Variants in TPP1 observed in about 807,000 individuals in gnomAD.
TPP1 encodes the protein tripeptidyl peptidase 1.
TPP1 carries 43 observed loss-of-function variants against 67.6 expected under a neutral mutation model. That is an observed-to-expected ratio of 0.64 (90% CI 0.50 to 0.82). TPP1 has a LOEUF of 0.82. TPP1 is among the 40% of genes least tolerant of loss of function. TPP1 has a pLI of 0.00. For synonymous variants in TPP1, 272 were observed against 281.5 expected, an observed-to-expected ratio of 0.97 and a Z score of 0.34; for missense variants, 671 against 710.9, an observed-to-expected ratio of 0.94 and a Z score of 0.64.
intron 10 of TPP1, 21 bp downstream of exon 10, chr11:6,615,421 C>T: frequency 6.2e-7 from 1 of 1,614,194 alleles, no homozygotes; most frequent in Non-Finnish European, 8.5e-7. Flanking sequence ...ACCCTGCATC[C>T]ATCCACACAA....
intron 5 of TPP1, 55 bp from the exon 6 acceptor site, chr11:6,617,208 C>G (rs764863774): frequency 6.2e-7 from 1 of 1,613,858 alleles, no homozygotes; most frequent in Non-Finnish European, 8.5e-7. Context: ...GCCCACCTTA[C>G]AACTCACCCC....
In TPP1 at chr11:6,618,872, C is replaced by T. The variant is rs772163356; in HGVS notation, c.133G>A (p.Glu45Lys). Reference sequence around the variant, plus strand: ...AGGGCAAAGGTGAGACTCAGCTCTTCCTCAGGGTCCGCACGGCCCAGGGAC... The same window carrying T: ...AGGGCAAAGGTGAGACTCAGCTCTTTCTCAGGGTCCGCACGGCCCAGGGAC... ...WVSLGRADPE[E>K]ELSLTFALRQ... The change falls in exon 3 of 13, where the codon GAA becomes AAA. Residue 45 changes from glutamate to lysine, a missense_variant. Transcript: ENST00000299427. 5 of 1,613,976 alleles carry T rather than the reference C, an allele frequency of 3.1e-6. No homozygotes were observed. In the South Asian group the frequency reaches 4.4e-5, roughly 14 times the overall value.
rs1271784840 is a variant in TPP1 at position 6,619,205 on chromosome 11, T to C, written c.80A>G (p.Gln27Arg). ...TGCTAAGTCAACTCACGTCCTCCGC[T>C]GGTCGGGCTCCGGGCTGTAACTGCA... ...GKCSYSPEPD[Q>R]RRTLPPGWVS... The change falls in exon 2 of 13, where the codon CAG becomes CGG. Residue 27 changes from glutamine to arginine, a missense_variant. Transcript: ENST00000299427. 6.2e-7 allele frequency: 1 copy of C among 1,614,016 alleles called. No homozygotes were observed. Among genetic ancestry groups the C allele is most frequent in the African/African-American group, 1.3e-5 (1 of 74,906 alleles).
chr11:6,614,278 G>T lies in TPP1; in HGVS notation c.*268C>A. ...GGAAAAGCCTGATTGAAAAGAGAAA[G>T]ATGAGATGCGGAGGGAGAGGCATTC... On this transcript the variant is annotated 3_prime_UTR_variant, in exon 13 of 13. Coordinates refer to ENST00000299427, the MANE Select transcript of TPP1 (RefSeq NM_000391.4). The T allele has an allele frequency of 1.9e-6, 1 of 533,286 alleles. No homozygotes were observed. Among genetic ancestry groups the T allele is most frequent in the Non-Finnish European group, 3.4e-6 (1 of 294,192 alleles). The allele number at this position is 533,286 out of a possible 1,614,324, so 33.0% of individuals were successfully genotyped here.
chr11:6,616,415 A>G lies in TPP1; in HGVS notation c.975T>C (p.Tyr325=), dbSNP rs2134593725. The part of the protein sequence containing the change: ...SALPHVHTVS[Y]GDDEDSLSSA... ...TGCTGAGGGAGTCCTCATCATCTCCATAGCTCACAGTATGCACATGTGGCA... is the reference window on the plus strand; with the variant it reads ...TGCTGAGGGAGTCCTCATCATCTCCGTAGCTCACAGTATGCACATGTGGCA... Residue 325 remains tyrosine (Y), a synonymous_variant, in exon 8 of 13, where the codon TAT becomes TAC. Transcript: ENST00000299427. 6.2e-7 allele frequency: 1 copy of G among 1,613,942 alleles called. No homozygotes were observed. Among genetic ancestry groups the G allele is most frequent in the Non-Finnish European group, 8.5e-7 (1 of 1,179,994 alleles).
chr11:6,617,384 A>G lies in TPP1; in HGVS notation c.425T>C (p.Val142Ala), dbSNP rs775217501. Residue 142 changes from valine (V) to alanine (A), a missense_variant, in exon 5 of 13, where the codon GTG (valine) becomes GCG (alanine). Val to Ala is a moderately conservative substitution (Grantham distance 64). Coordinates refer to ENST00000299427, the MANE Select transcript of TPP1 (RefSeq NM_000391.4). Reference sequence around the variant, plus strand: ...AACATGGGTTTCCGTAGGTCCTCCCACATAGTGATGAAACTCAGCCCCAGG... The same window carrying G: ...AACATGGGTTTCCGTAGGTCCTCCCGCATAGTGATGAAACTCAGCCCCAGG... ...LLPGAEFHHY[V>A]GGPTETHVVR... The G allele has an allele frequency of 6.2e-7, 1 of 1,614,158 alleles. No individual in the cohort carries two copies.
At chr11:6,615,682 T>C in intron 9 of TPP1, 120 bp from the exon 10 acceptor site, 1 of 1,310,944 alleles carries the variant, frequency 7.6e-7, no homozygotes, top group Non-Finnish European at 1.1e-6. Context: ...GGGAAGCATG[T>C]ATATGGGATT....
intron 3 of TPP1, chr11:6,618,170 T>C (rs1436351848): frequency 1.1e-5 from 4 of 354,316 alleles, no homozygotes; most frequent in Non-Finnish European, 2.2e-5. Context: ...ATTTTAAGCT[T>C]AACACGATGG....
chr11:6,618,954 G>A (rs901133120), intron 2 of TPP1, 39 bp from the exon 3 acceptor site: 20 of 1,608,590 alleles, frequency 1.2e-5, no homozygotes, highest in Non-Finnish European at 1.6e-5. Context: ...TTTGGTTAGG[G>A]TGGAGATGGA....
Position 6,616,922 on chromosome 11 carries a change from T to C in TPP1, c.687+53A>G. ...GGTGAGTCCCAGGGTGGTAAGGAAT[T>C]GAGGACACTGTGGGGAGGCTATGAG... On this transcript the variant is annotated intron_variant, in intron 6 of 12. Transcript: ENST00000299427. 2.5e-6 allele frequency: 4 copies of C among 1,613,950 alleles called. No individual in the cohort carries two copies. The South Asian group carries it at 3.3e-5, about 13-fold the overall frequency.
At chr11:6,618,337 G>T (rs375469311) in intron 3 of TPP1, 9 of 366,014 alleles carry the variant, frequency 2.5e-5, no homozygotes, top group African/African-American at 1.3e-4. Flanking sequence ...GAAGCAGAGT[G>T]GGGGAGTACA....
rs121908209 is a variant in TPP1 at position 6,617,045 on chromosome 11, C to G, written c.617G>C (p.Arg206Pro). The change falls in exon 6 of 13, where the codon CGT becomes CCT. Residue 206 changes from arginine to proline, a missense_variant. Transcript: ENST00000299427. The stretch of plus-strand genomic sequence containing the variant: ...TTGTGAGGTCAAGTTGTATCGCTTA[C>G]GGATCACAGAGGGGGTTACCCCCAG... ...LHLGVTPSVI[R>P]KRYNLTSQDV... is the part of the protein sequence containing the mutation. The G allele has an allele frequency of 6.2e-7, 1 of 1,614,124 alleles. No homozygotes were observed. Among genetic ancestry groups the G allele is most frequent in the East Asian group, 2.2e-5 (1 of 44,884 alleles).
At position 6,617,410 on chromosome 11, in the gene TPP1, G is replaced by A. The variant is rs1470034597; in HGVS notation, c.399C>T (p.Leu133=). 6.2e-7 allele frequency: 1 copy of A among 1,614,030 alleles called. No individual in the cohort carries two copies. The highest frequency in any genetic ancestry group is 8.5e-7 in the Non-Finnish European group (1 of 1,180,000). The stretch of plus-strand genomic sequence containing the variant: ...CATAGTGATGAAACTCAGCCCCAGG[G>A]AGCAGCAGCTCTGCTTGTCTGGAGG... ...WLSIRQAELL[L]PGAEFHHYVG... Residue 133 remains leucine, a synonymous_variant, in exon 5 of 13, where the codon CTC becomes CTT. Transcript: ENST00000299427.
Position 6,614,492 on chromosome 11 carries a change from C to CT in TPP1, c.*53dup. 9.9e-6 allele frequency: 16 copies of CT among 1,612,918 alleles called. No homozygotes were observed. The highest frequency in any genetic ancestry group is 1.7e-4 in the Middle Eastern group (1 of 5,942). ...GCTTCCAACAGGGCAGAATAAGGGA[C>CT]TGAACTGCCAGCTTCAGGGCAGGGG... On this transcript the variant is annotated 3_prime_UTR_variant, in exon 13 of 13. Transcript: ENST00000299427.
chr11:6,616,129 G>A, intron 8 of TPP1, 55 bp from the exon 9 acceptor site: 1 of 1,609,482 alleles, frequency 6.2e-7, no homozygotes, highest in Non-Finnish European at 8.5e-7. Flanking sequence ...TAGTATGTGG[G>A]TTCGGATGTC....
chr11:6,615,168 C>A lies in TPP1; in HGVS notation c.1425+3G>T. 6.2e-7 allele frequency: 1 copy of A among 1,614,126 alleles called. No individual in the cohort carries two copies. The highest frequency in any genetic ancestry group is 8.5e-7 in the Non-Finnish European group (1 of 1,180,028). On this transcript the variant is annotated splice_donor_region_variant and intron_variant, in intron 11 of 12. Transcript: ENST00000299427. ...GAGAGTTTGGAGATGGGCTGATTCTCACCGAGGTTCCGGACACCCATGGAA... is the reference window on the plus strand; with the variant it reads ...GAGAGTTTGGAGATGGGCTGATTCTAACCGAGGTTCCGGACACCCATGGAA...
rs1442580870 is a variant in TPP1, at chr11:6,615,971, T to C, written c.1145+34A>G. ...TCATGAGATCACAAGTGAAAGGTGG[T>C]GGTTATACCTGAGTGGTAGGCTAGA... On this transcript the variant is annotated intron_variant, in intron 9 of 12. Coordinates refer to ENST00000299427, the MANE Select transcript of TPP1 (RefSeq NM_000391.4). 2.5e-6 allele frequency: 4 copies of C among 1,608,096 alleles called. 1 individual carries two copies. In the South Asian group the frequency reaches 3.3e-5, roughly 13 times the overall value.
chr11:6,617,854 C>T (rs1383489330), intron 3 of TPP1, 78 bp from the exon 4 acceptor site: 4 of 1,599,900 alleles, frequency 2.5e-6, no homozygotes, highest in Non-Finnish European at 3.4e-6. Context: ...AACTATGAGA[C>T]ATCAGGACTT....
At chr11:6,615,686 T>C (rs1231011640) in intron 9 of TPP1, 124 bp from the exon 10 acceptor site, 21 of 1,280,188 alleles carry the variant, frequency 1.6e-5, no homozygotes, top group Non-Finnish European at 2.1e-5. Context: ...AGCATGTATA[T>C]GGGATTGACT....
Sources: gnomAD v4.1 joint callset for allele counts on GRCh38, gnomAD v4.1.1 for gene constraint, MANE v1.5 for transcripts, NCBI Gene and HGNC (gene_info 2026-07-23, HGNC 2026-07-21) for gene names.